The following PEMT variants were observed in gnomAD, a reference collection of about 807,000 sequenced individuals.
PEMT encodes phosphatidylethanolamine N-methyltransferase.
A neutral mutation model predicts 27.4 loss-of-function variants in PEMT; 23 were observed. That is an observed-to-expected ratio of 0.84 (90% confidence interval 0.60 to 1.19). The LOEUF is 1.19. Among genes scored for constraint, PEMT ranks in the 50% most tolerant of loss-of-function variants. The pLI is 0.00. For missense variants in PEMT, 307 were observed against 310.1 expected (o/e 0.99, Z 0.07); for synonymous variants, 137 against 139.1 (o/e 0.98, Z 0.11).
At chr17:17,558,700 CAAAAAGAA>C (rs1910250623) in intron 2 of PEMT, among the ~76,000 whole-genome samples, 1 of 130,442 alleles carries the variant, frequency 7.7e-6, no homozygotes, top group Non-Finnish European at 1.6e-5. Context: ...AAAAAAAAAA[CAAAAAGAA>C]AGGGCAGCAG....
chr17:17,569,195 C>T (rs1380781798), intron 2 of PEMT, among the ~76,000 whole-genome samples: 2 of 152,202 alleles, frequency 1.3e-5, no homozygotes, highest in East Asian at 3.9e-4. Flanking sequence ...GCCTGCTGCC[C>T]CTCTATAGGT....
In PEMT at chr17:17,516,111, G is replaced by A. The variant is rs190267709; in HGVS notation, c.321-3457C>T. Among the ~76,000 whole-genome samples, 59 of 152,156 alleles carry A rather than the reference G, an allele frequency of 3.9e-4. No individual in the cohort carries two copies. The East Asian group carries it at 8.7e-3, about 23-fold the overall frequency. On this transcript the variant is annotated intron_variant, in intron 3 of 6. Coordinates refer to ENST00000255389, the MANE Select transcript of PEMT (RefSeq NM_148172.3). ...CTTCCCTGACTTTGATCATCCTGGG[G>A]TGTCTCCGCAACGTCGTCCACATCC...
At chr17:17,533,057 T>C (rs1214925438) in intron 2 of PEMT, among the ~76,000 whole-genome samples, 1 of 151,952 alleles carries the variant, frequency 6.6e-6, no homozygotes, top group Non-Finnish European at 1.5e-5. Context: ...AAAACCAAAG[T>C]TGGAGGACTC....
intron 2 of PEMT, among the ~76,000 whole-genome samples, chr17:17,531,620 G>GAAAA (rs1567689662): frequency 4.9e-5 from 1 of 20,472 alleles, no homozygotes; most frequent in Non-Finnish European, 8.3e-5. Flanking sequence ...GCTATCATAT[G>GAAAA]CAAAAAAAAA....
intron 2 of PEMT, among the ~76,000 whole-genome samples, chr17:17,552,121 G>A (rs1451149493): frequency 6.6e-6 from 1 of 152,166 alleles, no homozygotes; most frequent in Non-Finnish European, 1.5e-5. Flanking sequence ...AGAATCACTT[G>A]AACCTGGGAG....
intron 2 of PEMT, among the ~76,000 whole-genome samples, chr17:17,539,957 C>A (rs1019672902): frequency 6.6e-6 from 1 of 152,166 alleles, no homozygotes; most frequent in Non-Finnish European, 1.5e-5. Flanking sequence ...AGCCTCCACG[C>A]AGGAGGCTCG....
At chr17:17,566,340 C>G (rs1910826124) in intron 2 of PEMT, among the ~76,000 whole-genome samples, 1 of 152,182 alleles carries the variant, frequency 6.6e-6, no homozygotes, top group Non-Finnish European at 1.5e-5. Context: ...TGCATGGCTT[C>G]CTGGGGACGC....
intron 2 of PEMT, among the ~76,000 whole-genome samples, chr17:17,536,227 C>T (rs1479694825): frequency 1.3e-5 from 2 of 152,210 alleles, no homozygotes; most frequent in South Asian, 2.1e-4. Flanking sequence ...GGGGGACGTC[C>T]GATAGTGTGC....
At chr17:17,507,486 C>G (rs958005162) in intron 5 of PEMT, 5 of 476,586 alleles carry the variant, frequency 1.0e-5, no homozygotes, top group Admixed American at 1.0e-4. Flanking sequence ...TGTCTGGGAG[C>G]TGCAGGAGGC....
At chr17:17,530,501 AAG>A (rs1491534280) in intron 2 of PEMT, among the ~76,000 whole-genome samples, 3 of 152,194 alleles carry the variant, frequency 2.0e-5, no homozygotes, top group East Asian at 1.9e-4. Context: ...TCCAAAAAAA[AAG>A]AGAGAGAACA....
chr17:17,562,006 C>T (rs1009676902), intron 2 of PEMT, among the ~76,000 whole-genome samples: 3 of 152,238 alleles, frequency 2.0e-5, no homozygotes, highest in South Asian at 2.1e-4. Context: ...GCCGGATCCA[C>T]GAGAGGCGCT....
Position 17,556,341 on chromosome 17 carries a change from G to A in PEMT, c.204+20579C>T, listed in dbSNP as rs145337774. Among the ~76,000 whole-genome samples, 700 of 151,866 alleles carry A rather than the reference G, an allele frequency of 4.6e-3. 2 individuals are homozygous for A. The highest frequency in any genetic ancestry group is 7.7e-3 in the Non-Finnish European group (525 of 67,978). The stretch of plus-strand genomic sequence containing the variant: ...GCCAAGGCCGGAGCCTTCTGCATGG[G>A]AGCCTTCCTTCCTTCCTTCCTGCTC... On this transcript the variant is annotated intron_variant, in intron 2 of 6. Transcript: ENST00000255389.
Position 17,591,629 on chromosome 17 carries a change from G to A in PEMT, c.-3C>T, listed in dbSNP as rs751036052. On this transcript the variant is annotated 5_prime_UTR_variant, in exon 1 of 7. Coordinates refer to ENST00000255389, the MANE Select transcript of PEMT (RefSeq NM_148172.3). ...CCCGGGTTCCCAGATCTCTTCATCC[G>A]GGGGCCGCCTCAGGAGGCACCACGC... The A allele has an allele frequency of 7.5e-6, 12 of 1,609,680 alleles. No homozygotes were observed. The East Asian group carries it at 1.1e-4, about 15-fold the overall frequency.
chr17:17,578,151 T>C (rs1911747657), intron 1 of PEMT, among the ~76,000 whole-genome samples: 1 of 151,766 alleles, frequency 6.6e-6, no homozygotes, highest in African/African-American at 2.4e-5. Context: ...TAAAATATAG[T>C]ATCAAATATT....
intron 2 of PEMT, among the ~76,000 whole-genome samples, chr17:17,552,250 G>A (rs536645075): frequency 3.4e-4 from 51 of 151,744 alleles, no homozygotes; most frequent in Admixed American, 1.7e-3. Context: ...AGGCGGAGGT[G>A]GCAGTGAGCC....
chr17:17,536,148 G>A (rs764450067), intron 2 of PEMT, among the ~76,000 whole-genome samples: 4 of 152,246 alleles, frequency 2.6e-5, no homozygotes, highest in Non-Finnish European at 5.9e-5. Flanking sequence ...CTGGCACAGG[G>A]CCTGCTGCAC....
rs1906514915 is a variant in PEMT, at chr17:17,512,719, G to T, written c.321-65C>A. ...GGAGGATGTCACAGCCCGGGAGGAG[G>T]CCGACCTCATCTTCTCGCCCTCTCC... On this transcript the variant is annotated intron_variant, in intron 3 of 6. Transcript: ENST00000255389. The surrounding 1 kb of genome is among the most constrained non-coding windows in gnomAD (Gnocchi z 6.3). 1 of 1,402,162 alleles carries T rather than the reference G, an allele frequency of 7.1e-7. No individual in the cohort carries two copies. Among genetic ancestry groups the T allele is most frequent in the East Asian group, 2.7e-5 (1 of 37,604 alleles). The allele number at this position is 1,402,162 out of a possible 1,614,324, so 86.9% of individuals were successfully genotyped here. A position where few individuals can be genotyped will look rare whatever the true frequency, so the allele number is the denominator to read the frequency against.
intron 2 of PEMT, among the ~76,000 whole-genome samples, chr17:17,524,775 G>T (rs1192144175): frequency 6.6e-6 from 1 of 151,950 alleles, no homozygotes; most frequent in Admixed American, 6.5e-5. Context: ...CATCCTAGTG[G>T]GTGTCAGGTG....
chr17:17,578,321 G>A lies in PEMT; in HGVS notation c.97-1294C>T, dbSNP rs541704860. Reference sequence around the variant, plus strand: ...ACTTGAGGCCAGGAGTTTGAGACCAGTCTAGGCAACATAGTGAGACCCTGT... The same window carrying A: ...ACTTGAGGCCAGGAGTTTGAGACCAATCTAGGCAACATAGTGAGACCCTGT... On this transcript the variant is annotated intron_variant, in intron 1 of 6. Coordinates refer to ENST00000255389, the MANE Select transcript of PEMT (RefSeq NM_148172.3). Among the ~76,000 whole-genome samples, 529 of 151,658 alleles carry A rather than the reference G, an allele frequency of 3.5e-3. 9 individuals are homozygous for A. Among genetic ancestry groups the A allele is most frequent in the Non-Finnish European group, 6.2e-4 (42 of 67,922 alleles).
Sources: allele counts gnomAD v4.1 joint callset (sites outside exome capture counted in the v4.1 genomes callset), GRCh38; gene constraint gnomAD v4.1.1; non-coding constraint Gnocchi (gnomAD v3.1); transcripts MANE v1.5; gene names NCBI Gene and HGNC (gene_info 2026-07-23, HGNC 2026-07-21).